The following ZNF516 variants were observed in gnomAD, a reference collection of about 807,000 sequenced individuals.
ZNF516 encodes the protein zinc finger protein 516.
A neutral mutation model predicts 79.7 loss-of-function variants in ZNF516; 19 were observed. That is an observed-to-expected ratio of 0.24 (90% confidence interval 0.17 to 0.35). The LOEUF (loss-of-function observed/expected upper bound fraction) is 0.35. ZNF516 is among the 10% of genes least tolerant of loss of function. The pLI, the probability that ZNF516 is intolerant of heterozygous loss-of-function variation, is 1.00. For synonymous variants in ZNF516, 877 were observed against 739.5 expected (o/e 1.19, Z -3.02); for missense variants, 1,678 against 1,679.5 (o/e 1.00, Z 0.02).
At chr18:76,422,913 T>A (rs537105287) in intron 3 of ZNF516, among the ~76,000 whole-genome samples, 8 of 152,318 alleles carry the variant, frequency 5.3e-5, no homozygotes, top group Middle Eastern at 3.4e-3. Context: ...ATAATTTATT[T>A]CTGTCACCGG....
chr18:76,367,687 G>A (rs1454988200), intron 6 of ZNF516, among the ~76,000 whole-genome samples: 2 of 152,310 alleles, frequency 1.3e-5, no homozygotes, highest in South Asian at 4.1e-4. Flanking sequence ...TCACAGCGCT[G>A]CCTTGCTCTG....
chr18:76,405,649 G>A (rs917172026), intron 3 of ZNF516, among the ~76,000 whole-genome samples: 6 of 151,998 alleles, frequency 3.9e-5, no homozygotes, highest in South Asian at 2.1e-4. Flanking sequence ...TAAGCACCAC[G>A]GTGAAACATT....
intron 2 of ZNF516, among the ~76,000 whole-genome samples, chr18:76,454,220 T>A (rs558385493): frequency 1.3e-5 from 2 of 152,300 alleles, no homozygotes; most frequent in East Asian, 3.9e-4. Flanking sequence ...TAAGAGCTCA[T>A]AGAGGAAAAA....
chr18:76,473,635 A>G (rs1408373294), intron 1 of ZNF516, among the ~76,000 whole-genome samples: 1 of 151,868 alleles, frequency 6.6e-6, no homozygotes, highest in African/African-American at 2.4e-5. Flanking sequence ...CCCTGTCTCT[A>G]CTAAAAATAC....
intron 1 of ZNF516, among the ~76,000 whole-genome samples, chr18:76,489,057 C>T (rs1417990090): frequency 3.3e-5 from 5 of 152,224 alleles, no homozygotes; most frequent in African/African-American, 1.2e-4. Context: ...ATATTTCAGT[C>T]TCTATCTCTA....
intron 2 of ZNF516, among the ~76,000 whole-genome samples, chr18:76,449,612 T>A (rs1375972311): frequency 2.6e-5 from 4 of 152,234 alleles, no homozygotes; most frequent in Non-Finnish European, 4.4e-5. Flanking sequence ...ATGATAGCAA[T>A]GATATCTATT....
chr18:76,441,640 G>T lies in ZNF516; in HGVS notation c.1415C>A (p.Ala472Asp). 1 of 1,530,280 alleles carries T rather than the reference G, an allele frequency of 6.5e-7. No homozygotes were observed. Among genetic ancestry groups the T allele is most frequent in the Non-Finnish European group, 8.8e-7 (1 of 1,138,820 alleles). The allele number at this position is 1,530,280 out of a possible 1,614,324, so 94.8% of individuals were successfully genotyped here. ...GCGCTTCCGCGGGGGCCCCTGCGCG[G>T]CTGGTGCATCCTGCTCACGCTTGCG... The part of the protein sequence containing the change: ...EKRKREQDAP[A>D]AQGPPRKRAS... The change falls in exon 3 of 7, where the codon GCC becomes GAC. Residue 472 changes from alanine to aspartate, a missense_variant. Physicochemically the swap from Ala to Asp is moderately radical, Grantham distance 126. Transcript: ENST00000443185.
chr18:76,357,720 T>C lies in ZNF516; in HGVS notation c.*4778A>G, dbSNP rs1322414014. Among the ~76,000 whole-genome samples, 1 of 152,248 alleles carries C rather than the reference T, an allele frequency of 6.6e-6. No homozygotes were observed. The highest frequency in any genetic ancestry group is 1.5e-5 in the Non-Finnish European group (1 of 68,046). ...GAATCTTTATTGCATCTGATGGTCCTGTCTCATTTTTGCTGTCTCATCAGT... is the reference window on the plus strand; with the variant it reads ...GAATCTTTATTGCATCTGATGGTCCCGTCTCATTTTTGCTGTCTCATCAGT... On this transcript the variant is annotated 3_prime_UTR_variant, in exon 7 of 7. Coordinates refer to ENST00000443185, the MANE Select transcript of ZNF516 (RefSeq NM_014643.4).
intron 3 of ZNF516, among the ~76,000 whole-genome samples, chr18:76,413,871 C>A (rs1464153048): frequency 6.6e-6 from 1 of 152,146 alleles, no homozygotes; most frequent in Non-Finnish European, 1.5e-5. Context: ...CTTATGTATT[C>A]AAGACTAGTG....
intron 2 of ZNF516, among the ~76,000 whole-genome samples, chr18:76,461,607 T>C (rs144074636): frequency 6.6e-6 from 1 of 152,244 alleles, no homozygotes; most frequent in Admixed American, 6.5e-5. Flanking sequence ...ACAAACGTTT[T>C]GCAATCTTGC....
intron 1 of ZNF516, among the ~76,000 whole-genome samples, chr18:76,481,117 G>GCTGAC (rs1399110501): frequency 6.6e-6 from 1 of 152,228 alleles, no homozygotes; most frequent in Non-Finnish European, 1.5e-5. Flanking sequence ...CTGCACAGGA[G>GCTGAC]CTGACCTAGG....
At chr18:76,373,284 G>A (rs1197852327) in intron 4 of ZNF516, among the ~76,000 whole-genome samples, 2 of 151,426 alleles carry the variant, frequency 1.3e-5, no homozygotes, top group African/African-American at 2.4e-5. Context: ...GACAGGAGAG[G>A]AGAAAAGGGA....
Position 76,361,295 on chromosome 18 carries a change from C to T in ZNF516, c.*1203G>A, listed in dbSNP as rs567749189. ...TGTGGAATACCATTTCAATTGCGTA[C>T]ACTGCATGGTTTAAGATCCTTTGTT... On this transcript the variant is annotated 3_prime_UTR_variant, in exon 7 of 7. Transcript: ENST00000443185. The T allele has an allele frequency of 3.0e-4, 45 of 152,308 alleles. No homozygotes were observed. The highest frequency in any genetic ancestry group is 5.6e-4 in the Non-Finnish European group (38 of 68,032). The allele number at this position is 152,308 out of a possible 1,614,324, so 9.4% of individuals were successfully genotyped here. A position where few individuals can be genotyped will look rare whatever the true frequency, so the allele number is the denominator to read the frequency against.
At chr18:76,455,816 G>C (rs1912688442) in intron 2 of ZNF516, among the ~76,000 whole-genome samples, 2 of 152,194 alleles carry the variant, frequency 1.3e-5, no homozygotes, top group African/African-American at 4.8e-5. Context: ...ACCTCTGTGG[G>C]AGAGAAAGAA....
chr18:76,402,432 C>T (rs554284979), intron 3 of ZNF516, among the ~76,000 whole-genome samples: 31 of 152,090 alleles, frequency 2.0e-4, no homozygotes, highest in East Asian at 1.8e-3. Context: ...AAGCTACAGG[C>T]GTCCCACAGC....
chr18:76,442,996 G>C lies in ZNF516; in HGVS notation c.59C>G (p.Ala20Gly), dbSNP rs1433387964. The C allele has an allele frequency of 6.2e-7, 1 of 1,602,384 alleles. No homozygotes were observed. The highest frequency in any genetic ancestry group is 1.7e-5 in the Admixed American group (1 of 59,850). The change falls in exon 3 of 7, where the codon GCC becomes GGC. Residue 20 changes from alanine (A) to glycine (G), a missense_variant. This residue lies in a region of ZNF516 where 62 missense variants were observed against 58.9 expected (regional missense o/e 1.05). Coordinates refer to ENST00000443185, the MANE Select transcript of ZNF516 (RefSeq NM_014643.4). ...CCCATCCACCTCGTGGCCCCGGCCG[G>C]CCCTGGTGGGGCTGGGGCCTCGCCT... is the stretch of plus-strand genomic sequence containing the variant. ...ELRRGPSPTRAGRGHEVDGDK... is the reference protein window; with the variant it reads ...ELRRGPSPTRGGRGHEVDGDK...
chr18:76,372,488 T>C (rs57069918), intron 4 of ZNF516, among the ~76,000 whole-genome samples: 2,520 of 152,356 alleles, frequency 0.017, 82 homozygotes, highest in African/African-American at 0.057. Flanking sequence ...AGTAATTTTT[T>C]AAAACGCTGC....
chr18:76,367,766 C>T (rs374684330), intron 6 of ZNF516, among the ~76,000 whole-genome samples: 5 of 152,218 alleles, frequency 3.3e-5, no homozygotes, highest in Admixed American at 2.0e-4. Flanking sequence ...GTTATCTTGT[C>T]GCCCCAGTAT....
rs769191542 is a variant in ZNF516, at chr18:76,442,260, C to T, written c.795G>A (p.Ala265=). ...QAFSQTWFLK[A]HMKKHRGSFD... ...AGGAGCCCCGGTGCTTCTTCATGTG[C>T]GCCTTCAGGAACCAGGTCTGGCTGA... The change falls in exon 3 of 7, where the codon GCG becomes GCA. Residue 265 remains alanine (A), a synonymous_variant. Coordinates refer to ENST00000443185, the MANE Select transcript of ZNF516 (RefSeq NM_014643.4). The T allele has an allele frequency of 1.1e-5, 17 of 1,613,592 alleles. No homozygotes were observed. Among genetic ancestry groups the T allele is most frequent in the Non-Finnish European group, 1.4e-5 (16 of 1,179,828 alleles).
Sources: allele counts gnomAD v4.1 joint callset (sites outside exome capture counted in the v4.1 genomes callset), GRCh38; gene constraint gnomAD v4.1.1; regional missense constraint gnomAD v4.1.1; transcripts MANE v1.5; gene names NCBI Gene and HGNC (gene_info 2026-07-23, HGNC 2026-07-21).